The following CROCC2 variants were observed in gnomAD, a reference collection of about 807,000 sequenced individuals.
CROCC2 encodes the protein ciliary rootlet coiled-coil, rootletin family member 2.
In CROCC2, 163 loss-of-function variants were observed where a neutral mutation model predicts 177.6. That is an observed-to-expected ratio of 0.92 (90% CI 0.81 to 1.05). The LOEUF (loss-of-function observed/expected upper bound fraction) is 1.05, where lower values mean the gene tolerates loss of function less well. CROCC2 is among the 50% of genes least tolerant of loss of function. The pLI is 0.00. For synonymous variants in CROCC2, 904 were observed against 787.3 expected (o/e 1.15, Z -2.48); for missense variants, 1,929 against 1,797.8 (o/e 1.07, Z -1.32).
chr2:240,930,657 C>T (rs2059423015), intron 6 of CROCC2, among the ~76,000 whole-genome samples: 1 of 152,122 alleles, frequency 6.6e-6, no homozygotes, highest in African/African-American at 2.4e-5. Flanking sequence ...AGGTACGTAG[C>T]AGCCCCTTGC....
chr2:240,983,730 G>C lies in CROCC2; in HGVS notation c.4551+701G>C. On this transcript the variant is annotated intron_variant, in intron 28 of 31. Coordinates refer to ENST00000690015, the MANE Select transcript of CROCC2 (RefSeq NM_001351305.2). ...AAGCTCAGGGTCAGGACGCCCGCAG[G>C]TGGCCACAGCCCTGCCAGTGGTGTC... is the stretch of plus-strand genomic sequence containing the variant. The C allele has an allele frequency of 4.9e-6, 4 of 820,448 alleles. No homozygotes were observed. The South Asian group carries it at 5.8e-5, about 12-fold the overall frequency. The allele number at this position is 820,448 out of a possible 1,614,324, so 50.8% of individuals were successfully genotyped here. A position where few individuals can be genotyped will look rare whatever the true frequency, so the allele number is the denominator to read the frequency against.
At chr2:240,929,132 G>GAA (rs2059412079) in intron 5 of CROCC2, among the ~76,000 whole-genome samples, 1 of 152,144 alleles carries the variant, frequency 6.6e-6, no homozygotes, top group Non-Finnish European at 1.5e-5. Context: ...TCAGCTGGGG[G>GAA]GAATCTCAGG....
intron 25 of CROCC2, 58 bp from the exon 26 acceptor site, chr2:240,967,287 C>T (rs1370651608): frequency 4.8e-6 from 3 of 618,772 alleles, no homozygotes; most frequent in South Asian, 3.7e-5. Context: ...CTAGCAGACA[C>T]CTTGGCCCTC....
In CROCC2 at chr2:240,917,010, C is replaced by A. The variant is rs2059325394; in HGVS notation, c.79-1716C>A. ...GGAGGAGGAGCAGGGACTTCCCTCCCCCTCCCCCACTGGGCTGCTGCTCCC... is the reference window on the plus strand; with the variant it reads ...GGAGGAGGAGCAGGGACTTCCCTCCACCTCCCCCACTGGGCTGCTGCTCCC... On this transcript the variant is annotated intron_variant, in intron 1 of 31. Transcript: ENST00000690015. This position sits in a 1 kb window ranked among gnomAD's most constrained non-coding sequence, Gnocchi z 4.9. Among the ~76,000 whole-genome samples the A allele has an allele frequency of 6.6e-6, 1 of 152,172 alleles. No individual in the cohort carries two copies. Among genetic ancestry groups the A allele is most frequent in the African/African-American group, 2.4e-5 (1 of 41,456 alleles).
chr2:240,966,370 G>T lies in CROCC2; in HGVS notation c.4107G>T (p.Arg1369=). The T allele has an allele frequency of 2.5e-6, 1 of 402,382 alleles. No homozygotes were observed. The highest frequency in any genetic ancestry group is 4.4e-6 in the Non-Finnish European group (1 of 227,396). 24.9% of individuals were successfully genotyped at this position (402,382 alleles called of 1,614,324 possible). A position where few individuals can be genotyped will look rare whatever the true frequency, so the allele number is the denominator to read the frequency against. Residue 1369 remains arginine (R), a synonymous_variant, in exon 25 of 32, where the codon CGG becomes CGT. Coordinates refer to ENST00000690015, the MANE Select transcript of CROCC2 (RefSeq NM_001351305.2). ...TGGCCACCGTGCAGGACATCCTGCG[G>T]GACTTTGTGCAGAAGCTCCGGGAAG... The part of the protein sequence containing the change: ...MDVATVQDIL[R]DFVQKLREAQ...
At chr2:240,932,946 G>C (rs1308989283) in intron 9 of CROCC2, 38 bp downstream of exon 9, 8 of 1,540,754 alleles carry the variant, frequency 5.2e-6, no homozygotes, top group Non-Finnish European at 7.0e-6. Flanking sequence ...CTGTCTCCCT[G>C]AGGGCAGAAA....
chr2:240,943,482 CTT>C (rs374737398), intron 14 of CROCC2, among the ~76,000 whole-genome samples: 1,429 of 136,536 alleles, frequency 0.01, 14 homozygotes, highest in African/African-American at 0.034. Flanking sequence ...TTAGCTAAAG[CTT>C]TTTTTTTTTT....
intron 27 of CROCC2, among the ~76,000 whole-genome samples, chr2:240,975,555 G>C (rs778710573): frequency 1.3e-5 from 2 of 152,222 alleles, no homozygotes; most frequent in Non-Finnish European, 1.5e-5. Flanking sequence ...TTTATGACGT[G>C]TCCTGTCCTT....
At position 240,958,346 on chromosome 2, in the gene CROCC2, T is replaced by A. The variant is rs2059606993; in HGVS notation, c.2944-955T>A. Among the ~76,000 whole-genome samples the A allele has an allele frequency of 6.6e-6, 1 of 152,074 alleles. No homozygotes were observed. Among genetic ancestry groups the A allele is most frequent in the African/African-American group, 2.4e-5 (1 of 41,408 alleles). On this transcript the variant is annotated intron_variant, in intron 19 of 31. Transcript: ENST00000690015. The surrounding 1 kb of genome is among the most constrained non-coding windows in gnomAD (Gnocchi z 6.7). The stretch of plus-strand genomic sequence containing the variant: ...AGAGCCATGGCCTAGTCACCCAAGA[T>A]GGCCCTTCTCAGTCCAGAGAGACCA...
At chr2:240,951,272 T>TGTCCATCCATTCACCCATCCATCC in intron 18 of CROCC2, among the ~76,000 whole-genome samples, 1 of 150,688 alleles carries the variant, frequency 6.6e-6, no homozygotes, top group Non-Finnish European at 1.5e-5. Flanking sequence ...TCCATCCGTC[T>TGTCCATCCATTCACCCATCCATCC]GTCCATCCAT....
At position 240,959,383 on chromosome 2, in the gene CROCC2, C is replaced by T; in HGVS notation, c.3026C>T (p.Thr1009Ile). 5.2e-6 allele frequency: 8 copies of T among 1,550,470 alleles called. No individual in the cohort carries two copies. Among genetic ancestry groups the T allele is most frequent in the Non-Finnish European group, 7.0e-6 (8 of 1,146,912 alleles). The change falls in exon 20 of 32, where the codon ACC becomes ATC. Residue 1009 changes from threonine (T) to isoleucine (I), a missense_variant. Around this residue, in one of 3 missense-constraint regions of CROCC2, gnomAD observed 1,397 missense variants for 1,239.9 expected, o/e 1.13. Transcript: ENST00000690015. ...GCCATCACAGCCCATCAGAGGGAGA[C>T]CACGGCCCTACGCGAGAGCCTCCAG... ...EDAITAHQRE[T>I]TALRESLQDL...
rs560360045 is a variant in CROCC2, at chr2:240,966,352, C to T, written c.4089C>T (p.Thr1363=). ...GCTCAGAGCTCATGGATGTGGCCACCGTGCAGGACATCCTGCGGGACTTTG... is the reference window on the plus strand; with the variant it reads ...GCTCAGAGCTCATGGATGTGGCCACTGTGCAGGACATCCTGCGGGACTTTG... ...GRSSELMDVA[T]VQDILRDFVQ... is the part of the protein sequence containing the mutation. The change falls in exon 25 of 32, where the codon ACC becomes ACT. Residue 1363 remains threonine, a synonymous_variant. Coordinates refer to ENST00000690015, the MANE Select transcript of CROCC2 (RefSeq NM_001351305.2). The T allele has an allele frequency of 6.7e-5, 27 of 403,538 alleles. No individual in the cohort carries two copies. The highest frequency in any genetic ancestry group is 1.1e-4 in the Non-Finnish European group (26 of 228,514). 25.0% of individuals were successfully genotyped at this position (403,538 alleles called of 1,614,324 possible).
Position 240,932,916 on chromosome 2 carries a change from G to GCC in CROCC2, c.1251+9_1251+10dup, listed in dbSNP as rs775309342. ...CGGTGGCGGCGGGAACAGGTGGGCAGCCGCAGCCCACAGGACTCCCTGTCT... is the reference window on the plus strand; with the variant it reads ...CGGTGGCGGCGGGAACAGGTGGGCAGCCCCGCAGCCCACAGGACTCCCTGTCT... On this transcript the variant is annotated intron_variant, in intron 9 of 31. Transcript: ENST00000690015. The GCC allele has an allele frequency of 3.8e-4, 593 of 1,544,508 alleles. 1 individual carries two copies. The highest frequency in any genetic ancestry group is 4.8e-4 in the Non-Finnish European group (552 of 1,146,292).
At chr2:240,928,823 G>A (rs1034130655) in intron 5 of CROCC2, among the ~76,000 whole-genome samples, 1 of 151,846 alleles carries the variant, frequency 6.6e-6, no homozygotes, top group African/African-American at 2.4e-5. Flanking sequence ...GCCCTCGGAG[G>A]GTGTACAGAC....
At chr2:240,968,081 C>T in intron 26 of CROCC2, 48 bp from the exon 27 acceptor site, 2 of 1,387,272 alleles carry the variant, frequency 1.4e-6, no homozygotes, top group East Asian at 5.5e-5. Flanking sequence ...CTGCCTGTGA[C>T]CTGGGAGGGG....
At chr2:240,928,067 G>A (rs766368424) in intron 5 of CROCC2, among the ~76,000 whole-genome samples, 1 of 152,188 alleles carries the variant, frequency 6.6e-6, no homozygotes, top group African/African-American at 2.4e-5. Flanking sequence ...TGGTTCTATT[G>A]TTTCTGCTGG....
In CROCC2 at chr2:240,932,866, G is replaced by A. The variant is rs1245972462; in HGVS notation, c.1209G>A (p.Gln403=). 6 of 1,546,928 alleles carry A rather than the reference G, an allele frequency of 3.9e-6. No individual in the cohort carries two copies. Among genetic ancestry groups the A allele is most frequent in the Non-Finnish European group, 5.2e-6 (6 of 1,145,778 alleles). The change falls in exon 9 of 32, where the codon CAG becomes CAA. Residue 403 remains glutamine, a synonymous_variant. Coordinates refer to ENST00000690015, the MANE Select transcript of CROCC2 (RefSeq NM_001351305.2). ...CAGCCACCCTGGACCCCGCACTGCA[G>A]GCCATGCGGGCAGCCATAGAGAGGC... ...CSPATLDPAL[Q]AMRAAIERRW...
At chr2:240,986,843 CA>C (rs1290775127) in intron 28 of CROCC2, among the ~76,000 whole-genome samples, 1 of 152,140 alleles carries the variant, frequency 6.6e-6, no homozygotes, top group Non-Finnish European at 1.5e-5. Context: ...TGGGAGTAGG[CA>C]GGGGGCCCCC....
chr2:240,945,125 CGGGGTTTCACCATGTTGCCA>C (rs1177586203), intron 14 of CROCC2, among the ~76,000 whole-genome samples: 1 of 152,006 alleles, frequency 6.6e-6, no homozygotes, highest in Non-Finnish European at 1.5e-5. Flanking sequence ...TTAGTAGAGA[CGGGGTTTCACCATGTTGCCA>C]GGCTGGTCTT....
Sources: allele counts gnomAD v4.1 joint callset (sites outside exome capture counted in the v4.1 genomes callset), GRCh38; gene constraint gnomAD v4.1.1; regional missense constraint gnomAD v4.1.1; non-coding constraint Gnocchi (gnomAD v3.1); transcripts MANE v1.5; gene names NCBI Gene and HGNC (gene_info 2026-07-23, HGNC 2026-07-21).